CLASP1: variants seen among roughly 807,000 people sequenced by gnomAD.
CLASP1 encodes the protein CLIP-associating protein 1.
In CLASP1, 38 loss-of-function variants were observed where a neutral mutation model predicts 192.3. The observed-to-expected ratio is 0.20, with a 90% confidence interval of 0.15 to 0.26. CLASP1 has a LOEUF of 0.26. Among genes scored for constraint, CLASP1 ranks in the 10% least tolerant of loss-of-function variants. The pLI is 1.00. For missense variants in CLASP1, 1,433 were observed against 1,932.5 expected, an observed-to-expected ratio of 0.74 and a Z score of 4.85; for synonymous variants, 691 against 712.8, an observed-to-expected ratio of 0.97 and a Z score of 0.49.
chr2:121,500,376 GAAAGAAAGAAAGAAAGAAAGA>G (rs1240580722), intron 8 of CLASP1, among the ~76,000 whole-genome samples: 5 of 94,744 alleles, frequency 5.3e-5, no homozygotes, highest in South Asian at 3.0e-4. Flanking sequence ...AAGAAAGAAA[GAAAGAAAGAAAGAAAGAAAGA>G]AAAGAAAGAA....
At chr2:121,425,055 C>G (rs1217058354) in intron 22 of CLASP1, 84 bp downstream of exon 22, 6 of 1,326,460 alleles carry the variant, frequency 4.5e-6, no homozygotes, top group Non-Finnish European at 6.2e-6. Flanking sequence ...ATCTATATTT[C>G]CTACATTAGA....
chr2:121,530,375 C>A, intron 2 of CLASP1, 50 bp from the exon 3 acceptor site: 1 of 1,448,752 alleles, frequency 6.9e-7, no homozygotes, highest in African/African-American at 1.4e-5. Context: ...TGCGGGGCAG[C>A]GCTCCCGCCC....
At chr2:121,384,438 T>C (rs552449156) in intron 32 of CLASP1, among the ~76,000 whole-genome samples, 7 of 152,258 alleles carry the variant, frequency 4.6e-5, no homozygotes, top group East Asian at 1.9e-4. Context: ...TCCTCCCACG[T>C]TGGCCTCCCA....
intron 14 of CLASP1, among the ~76,000 whole-genome samples, chr2:121,452,462 A>AT (rs2085685405): frequency 6.6e-6 from 1 of 152,112 alleles, no homozygotes; most frequent in African/African-American, 2.4e-5. Context: ...AACAATTTAG[A>AT]TTACATCACC....
intron 19 of CLASP1, among the ~76,000 whole-genome samples, chr2:121,441,049 A>T (rs1380706793): frequency 6.6e-6 from 1 of 152,154 alleles, no homozygotes; most frequent in Non-Finnish European, 1.5e-5. Context: ...TCACATTGCC[A>T]TACCTTCTAG....
chr2:121,377,707 T>A, intron 33 of CLASP1, 58 bp from the exon 35 acceptor site: 1 of 1,167,916 alleles, frequency 8.6e-7, no homozygotes, highest in Non-Finnish European at 1.2e-6. Flanking sequence ...AACTGAGATA[T>A]GGGCATAAGT....
At chr2:121,466,773 T>C (rs929253053) in intron 9 of CLASP1, among the ~76,000 whole-genome samples, 4 of 152,246 alleles carry the variant, frequency 2.6e-5, no homozygotes, top group African/African-American at 9.6e-5. Context: ...CAAGGAACCA[T>C]GTTGCTTGTA....
chr2:121,384,262 C>T (rs1219680087), intron 32 of CLASP1, among the ~76,000 whole-genome samples: 2 of 151,894 alleles, frequency 1.3e-5, no homozygotes, highest in Non-Finnish European at 2.9e-5. Flanking sequence ...AATGATGGCT[C>T]ACTGCAGCCT....
At chr2:121,646,153 T>C (rs141829216) in intron 1 of CLASP1, among the ~76,000 whole-genome samples, 1 of 152,200 alleles carries the variant, frequency 6.6e-6, no homozygotes, top group Non-Finnish European at 1.5e-5. Flanking sequence ...CACTCTGTCA[T>C]CCAAGCTATA....
rs924739018 is a variant in CLASP1 at position 121,465,133 on chromosome 2, C to T, written c.866-2528G>A. 2.0e-5 allele frequency among the ~76,000 whole-genome samples: 3 copies of T among 152,306 alleles called. No individual in the cohort carries two copies. The East Asian group carries it at 5.8e-4, about 29-fold the overall frequency. ...ACAAGACAGGGATGCCCTCTCTCAC[C>T]ACTCCTATTCAACACAGTGTTAGAA... On this transcript the variant is annotated intron_variant, in intron 9 of 39. Transcript: ENST00000263710.
chr2:121,407,985 A>G (rs2077168795), intron 24 of CLASP1: 2 of 535,136 alleles, frequency 3.7e-6, no homozygotes, highest in Admixed American at 4.8e-5. Context: ...ACAGATCACA[A>G]CCTTGGTGCC....
chr2:121,413,821 C>A (rs2078121887), intron 23 of CLASP1, among the ~76,000 whole-genome samples: 1 of 152,150 alleles, frequency 6.6e-6, no homozygotes, highest in Non-Finnish European at 1.5e-5. Context: ...TGCCCCCTTG[C>A]CCCACAGGAA....
chr2:121,385,422 T>C (rs1225288465), intron 32 of CLASP1, among the ~76,000 whole-genome samples: 2 of 152,336 alleles, frequency 1.3e-5, no homozygotes, highest in Admixed American at 1.3e-4. Context: ...AATAAATCTC[T>C]TTGTTTCTTC....
intron 2 of CLASP1, among the ~76,000 whole-genome samples, chr2:121,581,343 C>A (rs933825056): frequency 7.3e-6 from 1 of 137,514 alleles, no homozygotes; most frequent in Non-Finnish European, 1.5e-5. Flanking sequence ...GGCGCAATCT[C>A]GGCTCACTGC....
chr2:121,421,997 A>C (rs2079584831), intron 22 of CLASP1, among the ~76,000 whole-genome samples: 1 of 152,246 alleles, frequency 6.6e-6, no homozygotes, highest in Non-Finnish European at 1.5e-5. Flanking sequence ...TAAGAGGGAG[A>C]GACCAGGAAA....
chr2:121,445,580 A>G, intron 19 of CLASP1: 1 of 672,162 alleles, frequency 1.5e-6, no homozygotes, highest in South Asian at 1.5e-5. Context: ...CAACTGTAAC[A>G]AATTCTCACT....
At chr2:121,601,064 C>A (rs1034643663) in intron 2 of CLASP1, among the ~76,000 whole-genome samples, 2 of 152,162 alleles carry the variant, frequency 1.3e-5, no homozygotes, top group African/African-American at 4.8e-5. Flanking sequence ...TTAACTACTA[C>A]TGGATTTATT....
At chr2:121,488,490 G>A (rs1257170674) in intron 8 of CLASP1, among the ~76,000 whole-genome samples, 1 of 152,180 alleles carries the variant, frequency 6.6e-6, no homozygotes, top group Non-Finnish European at 1.5e-5. Context: ...CCAGTCTGAG[G>A]GATTCCAGAG....
chr2:121,579,083 C>T (rs576859425), intron 2 of CLASP1, among the ~76,000 whole-genome samples: 7 of 152,200 alleles, frequency 4.6e-5, no homozygotes, highest in Admixed American at 2.0e-4. Flanking sequence ...ACAGTATTAT[C>T]CATGTCCTTA....
Sources: allele counts gnomAD v4.1 joint callset (sites outside exome capture counted in the v4.1 genomes callset), GRCh38; gene constraint gnomAD v4.1.1; transcripts MANE v1.5; gene names NCBI Gene and HGNC (gene_info 2026-07-23, HGNC 2026-07-21).